The following LPCAT2 variants were observed in gnomAD, a reference collection of about 807,000 sequenced individuals.
The protein encoded by LPCAT2 is lysophosphatidylcholine acyltransferase 2, also known as 1-AGP acyltransferase 11.
LPCAT2 carries 58 observed loss-of-function variants against 64.7 expected under a neutral mutation model. That is an observed-to-expected ratio of 0.90 (90% CI 0.73 to 1.12). LPCAT2 has a LOEUF of 1.12. Ranked by LOEUF, LPCAT2 falls within the 50% of genes most tolerant of loss-of-function variation. LPCAT2 has a pLI of 0.00. For synonymous variants in LPCAT2, 252 were observed against 245.3 expected (o/e 1.03, Z -0.26); for missense variants, 579 against 669.8 (o/e 0.86, Z 1.50).
chr16:55,521,865 C>T (rs1220452733), intron 1 of LPCAT2, among the ~76,000 whole-genome samples: 2 of 151,670 alleles, frequency 1.3e-5, no homozygotes, highest in East Asian at 3.9e-4. Flanking sequence ...AGATACAGGG[C>T]ATCTACAAAA....
At chr16:55,564,601 G>C (rs1490222408) in intron 11 of LPCAT2, among the ~76,000 whole-genome samples, 1 of 151,862 alleles carries the variant, frequency 6.6e-6, no homozygotes, top group African/African-American at 2.4e-5. Context: ...GGGAAAGGAC[G>C]GTCTTTTCAA....
rs149246269 is a variant in LPCAT2, at chr16:55,558,821, C to A, written c.1215+7719C>A. ...GATTTGGCCCACCAGCTGTAGTTCG[C>A]TGGTCCCTACTGTATTTCCTAAGCT... On this transcript the variant is annotated intron_variant, in intron 11 of 13. Coordinates refer to ENST00000262134, the MANE Select transcript of LPCAT2 (RefSeq NM_017839.5). Among the ~76,000 whole-genome samples the A allele has an allele frequency of 2.2e-3, 333 of 152,286 alleles. 4 individuals are homozygous for A. Among genetic ancestry groups the A allele is most frequent in the African/African-American group, 7.7e-3 (321 of 41,574 alleles).
chr16:55,579,778 G>A (rs1963869187), intron 13 of LPCAT2, among the ~76,000 whole-genome samples: 2 of 152,134 alleles, frequency 1.3e-5, no homozygotes, highest in Admixed American at 6.6e-5. Flanking sequence ...TACTATTAGT[G>A]ACCTATGTAA....
chr16:55,509,226 A>C lies in LPCAT2; in HGVS notation c.45A>C (p.Pro15=). The C allele has an allele frequency of 6.9e-7, 1 of 1,459,278 alleles. No homozygotes were observed. The highest frequency in any genetic ancestry group is 9.1e-7 in the Non-Finnish European group (1 of 1,099,720). The allele number at this position is 1,459,278 out of a possible 1,614,324, so 90.4% of individuals were successfully genotyped here. A position where few individuals can be genotyped will look rare whatever the true frequency, so the allele number is the denominator to read the frequency against. ...CGGCGGAAGTGGCGGCCACAGTGCC[A>C]GGTGCCGGCGTCGGGAACGTGGGGC... ...AQAAEVAATV[P]GAGVGNVGLR... Residue 15 remains proline (P), a synonymous_variant, in exon 1 of 14, where the codon CCA becomes CCC. Coordinates refer to ENST00000262134, the MANE Select transcript of LPCAT2 (RefSeq NM_017839.5).
intron 6 of LPCAT2, among the ~76,000 whole-genome samples, chr16:55,534,163 G>C (rs546268994): frequency 5.3e-5 from 8 of 152,140 alleles, no homozygotes; most frequent in Admixed American, 5.2e-4. Flanking sequence ...TTCATATTAG[G>C]AGAAAAGTGG....
intron 11 of LPCAT2, among the ~76,000 whole-genome samples, chr16:55,559,686 G>A (rs1963614951): frequency 6.8e-6 from 1 of 147,124 alleles, no homozygotes. Context: ...TAATTCACAT[G>A]AAAAGAACCA....
intron 11 of LPCAT2, among the ~76,000 whole-genome samples, chr16:55,565,844 G>C (rs1963689376): frequency 6.6e-6 from 1 of 151,990 alleles, no homozygotes; most frequent in Non-Finnish European, 1.5e-5. Context: ...GGTTAAAATA[G>C]TATATTTTAT....
intron 1 of LPCAT2, among the ~76,000 whole-genome samples, chr16:55,521,364 C>T (rs1415607499): frequency 2.6e-5 from 4 of 151,686 alleles, no homozygotes; most frequent in South Asian, 2.1e-4. Flanking sequence ...GAAAACGTTT[C>T]GCCAAGATTA....
At chr16:55,560,388 A>C (rs1413891805) in intron 11 of LPCAT2, among the ~76,000 whole-genome samples, 1 of 152,090 alleles carries the variant, frequency 6.6e-6, no homozygotes, top group Non-Finnish European at 1.5e-5. Flanking sequence ...GTTATTCTAG[A>C]CGAGGTTCAG....
intron 11 of LPCAT2, among the ~76,000 whole-genome samples, chr16:55,570,693 T>A (rs1268021307): frequency 6.6e-6 from 1 of 152,202 alleles, no homozygotes; most frequent in Non-Finnish European, 1.5e-5. Flanking sequence ...ACTTACAAAG[T>A]ATGGATATCT....
At chr16:55,555,910 G>T (rs1395977636) in intron 11 of LPCAT2, among the ~76,000 whole-genome samples, 1 of 152,174 alleles carries the variant, frequency 6.6e-6, no homozygotes. Context: ...TGCCTCCCGG[G>T]TCCAAGTGAT....
rs561364308 is a variant in LPCAT2, at chr16:55,521,296, A to G, written c.172-4212A>G. Among the ~76,000 whole-genome samples, 3 of 151,958 alleles carry G rather than the reference A, an allele frequency of 2.0e-5. No individual in the cohort carries two copies. In the South Asian group the frequency reaches 6.2e-4, roughly 31 times the overall value. ...GACACAAGAACTAGAAAATATGAAT[A>G]GCCCTTTATCTATGAAGGAATTTGA... On this transcript the variant is annotated intron_variant, in intron 1 of 13. Transcript: ENST00000262134.
At chr16:55,570,871 G>A (rs376171176) in intron 11 of LPCAT2, among the ~76,000 whole-genome samples, 109 of 152,256 alleles carry the variant, frequency 7.2e-4, no homozygotes, top group African/African-American at 2.6e-3. Context: ...CTTCTGTACA[G>A]CTCAGAATTT....
At position 55,583,276 on chromosome 16, in the gene LPCAT2, T is replaced by C; in HGVS notation, c.*178T>C. 1 of 564,192 alleles carries C rather than the reference T, an allele frequency of 1.8e-6. No homozygotes were observed. Among genetic ancestry groups the C allele is most frequent in the Non-Finnish European group, 3.0e-6 (1 of 328,570 alleles). The allele number at this position is 564,192 out of a possible 1,614,324, so 34.9% of individuals were successfully genotyped here. A position where few individuals can be genotyped will look rare whatever the true frequency, so the allele number is the denominator to read the frequency against. On this transcript the variant is annotated 3_prime_UTR_variant, in exon 14 of 14. Coordinates refer to ENST00000262134, the MANE Select transcript of LPCAT2 (RefSeq NM_017839.5). The stretch of plus-strand genomic sequence containing the variant: ...TTAACCTTGCTTTTATTGGAAAAAA[T>C]CAAGCAATATTTCGTTTTCTTTTGT...
At chr16:55,567,574 G>A in intron 11 of LPCAT2, 1 of 1,466,036 alleles carries the variant, frequency 6.8e-7, no homozygotes, top group South Asian at 1.3e-5. Flanking sequence ...GTACACAGTT[G>A]CTGATACCCT....
chr16:55,561,014 A>G (rs1482261106), intron 11 of LPCAT2, among the ~76,000 whole-genome samples: 1 of 151,974 alleles, frequency 6.6e-6, no homozygotes, highest in Admixed American at 6.6e-5. Flanking sequence ...AGCACCAATC[A>G]ACTTTCTATC....
At chr16:55,582,787 C>A in intron 13 of LPCAT2, 127 bp from the exon 14 acceptor site, 1 of 623,122 alleles carries the variant, frequency 1.6e-6, no homozygotes, top group East Asian at 2.8e-5. Context: ...ATATTTTCAT[C>A]AGCAATGTTT....
chr16:55,579,037 C>T lies in LPCAT2; in HGVS notation c.1315-72C>T, dbSNP rs1352752685. On this transcript the variant is annotated intron_variant, in intron 12 of 13. Coordinates refer to ENST00000262134, the MANE Select transcript of LPCAT2 (RefSeq NM_017839.5). The stretch of plus-strand genomic sequence containing the variant: ...CAGTAGATGTTTGAATTATTAAAGA[C>T]TTTATTTTCCAAGATTATTCCCTAC... 4.9e-6 allele frequency: 7 copies of T among 1,436,058 alleles called. No homozygotes were observed. In the African/African-American group the frequency reaches 1.0e-4, roughly 20 times the overall value. The allele number at this position is 1,436,058 out of a possible 1,614,324, so 89.0% of individuals were successfully genotyped here. A position where few individuals can be genotyped will look rare whatever the true frequency, so the allele number is the denominator to read the frequency against.
intron 13 of LPCAT2, among the ~76,000 whole-genome samples, chr16:55,580,952 C>T (rs1963882037): frequency 6.6e-6 from 1 of 152,164 alleles, no homozygotes; most frequent in African/African-American, 2.4e-5. Flanking sequence ...CTCCCCAATC[C>T]CCTTTACCAT....
Sources: allele counts gnomAD v4.1 joint callset (sites outside exome capture counted in the v4.1 genomes callset), GRCh38; gene constraint gnomAD v4.1.1; transcripts MANE v1.5; gene names NCBI Gene and HGNC (gene_info 2026-07-23, HGNC 2026-07-21).